Variants in ELOVL6 observed in about 807,000 individuals in gnomAD.
The protein encoded by ELOVL6 is ELOVL fatty acid elongase 6, also known as very long chain fatty acid elongase 6.
A neutral mutation model predicts 31.7 loss-of-function variants in ELOVL6; 8 were observed. The ratio of observed to expected loss-of-function variants is 0.25; its 90% CI spans 0.15 to 0.45. ELOVL6 has a LOEUF of 0.45. Among genes scored for constraint, ELOVL6 ranks in the 20% least tolerant of loss-of-function variants. The pLI is 1.00. For missense variants in ELOVL6, 126 were observed against 326.4 expected (o/e 0.39, Z 4.73); for synonymous variants, 101 against 117.7 (o/e 0.86, Z 0.92).
At chr4:110,091,102 G>C (rs1756415840) in intron 2 of ELOVL6, among the ~76,000 whole-genome samples, 1 of 152,182 alleles carries the variant, frequency 6.6e-6, no homozygotes, top group East Asian at 1.9e-4. Flanking sequence ...GAAGATGTTT[G>C]TTTGCTTTTA....
chr4:110,137,209 A>G (rs1757835734), intron 1 of ELOVL6, among the ~76,000 whole-genome samples: 1 of 152,208 alleles, frequency 6.6e-6, no homozygotes, highest in Non-Finnish European at 1.5e-5. Context: ...TCCTTCCAGC[A>G]TTAGAATTCC....
At chr4:110,125,007 A>C (rs973451658) in intron 1 of ELOVL6, among the ~76,000 whole-genome samples, 2 of 152,254 alleles carry the variant, frequency 1.3e-5, no homozygotes, top group East Asian at 3.9e-4. Context: ...TCTCTAAATG[A>C]ACATATAGAG....
chr4:110,072,308 T>G (rs1755509901), intron 2 of ELOVL6, among the ~76,000 whole-genome samples: 1 of 152,194 alleles, frequency 6.6e-6, no homozygotes, highest in Non-Finnish European at 1.5e-5. Context: ...AAACGCTGTC[T>G]CTACTAAAAA....
chr4:110,150,571 T>G (rs1386172481), intron 1 of ELOVL6, among the ~76,000 whole-genome samples: 3 of 152,144 alleles, frequency 2.0e-5, no homozygotes, highest in African/African-American at 7.2e-5. Context: ...TTGTCAAAAA[T>G]ACTCCATTTT....
chr4:110,171,376 T>C (rs1292326606), intron 1 of ELOVL6, among the ~76,000 whole-genome samples: 2 of 151,618 alleles, frequency 1.3e-5, no homozygotes, highest in Non-Finnish European at 2.9e-5. Context: ...GCCATTGCAC[T>C]CCAGCCTGGG....
intron 1 of ELOVL6, among the ~76,000 whole-genome samples, chr4:110,160,633 T>C (rs1221607603): frequency 1.3e-5 from 2 of 152,240 alleles, no homozygotes; most frequent in Non-Finnish European, 1.5e-5. Context: ...TAGGCTATTG[T>C]AACAATTAAA....
intron 2 of ELOVL6, among the ~76,000 whole-genome samples, chr4:110,084,523 TATACACTTAC>T (rs1338930254): frequency 1.1e-5 from 1 of 91,044 alleles, no homozygotes; most frequent in Admixed American, 1.2e-4. Context: ...GTATACATTA[TATACACTTAC>T]ACACACACAC....
intron 2 of ELOVL6, among the ~76,000 whole-genome samples, chr4:110,083,378 C>T (rs1261337169): frequency 1.3e-5 from 2 of 151,640 alleles, no homozygotes; most frequent in Non-Finnish European, 2.9e-5. Context: ...TGGCCAAGAC[C>T]TAGAGAAGAA....
At chr4:110,132,500 T>TC (rs1757696755) in intron 1 of ELOVL6, among the ~76,000 whole-genome samples, 2 of 151,740 alleles carry the variant, frequency 1.3e-5, no homozygotes, top group East Asian at 3.9e-4. Context: ...TTGTGGGTGG[T>TC]CAGTGTTAGT....
chr4:110,134,778 T>C (rs1409462080), intron 1 of ELOVL6, among the ~76,000 whole-genome samples: 1 of 151,970 alleles, frequency 6.6e-6, no homozygotes, highest in African/African-American at 2.4e-5. Context: ...TGGACAACAT[T>C]GCAAGACCTC....
chr4:110,052,805 C>A (rs1171078782), intron 3 of ELOVL6, among the ~76,000 whole-genome samples: 1 of 152,204 alleles, frequency 6.6e-6, no homozygotes, highest in Non-Finnish European at 1.5e-5. Flanking sequence ...GTGACAGAAA[C>A]AGGCTAATGC....
intron 1 of ELOVL6, among the ~76,000 whole-genome samples, chr4:110,115,856 T>G (rs1417542111): frequency 6.6e-6 from 1 of 152,230 alleles, no homozygotes; most frequent in East Asian, 1.9e-4. Context: ...GTTGCATTTC[T>G]TCTGAAGGCT....
chr4:110,186,822 A>ATATATATAT (rs1491476869), intron 1 of ELOVL6, among the ~76,000 whole-genome samples: 5 of 59,414 alleles, frequency 8.4e-5, no homozygotes, highest in African/African-American at 2.7e-4. Context: ...AAAAAAAAAA[A>ATATATATAT]ATATATATAT....
At chr4:110,084,558 A>ATATATTTT (rs1338095039) in intron 2 of ELOVL6, among the ~76,000 whole-genome samples, 2 of 61,694 alleles carry the variant, frequency 3.2e-5, no homozygotes, top group African/African-American at 2.4e-4. Flanking sequence ...ACACACACAC[A>ATATATTTT]CACAGATATA....
chr4:110,134,043 G>A (rs1312756143), intron 1 of ELOVL6, among the ~76,000 whole-genome samples: 1 of 152,194 alleles, frequency 6.6e-6, no homozygotes, highest in Non-Finnish European at 1.5e-5. Flanking sequence ...CATTAAAAAG[G>A]TGAACTTGTG....
chr4:110,106,277 C>A (rs1756887479), intron 1 of ELOVL6, among the ~76,000 whole-genome samples: 1 of 152,144 alleles, frequency 6.6e-6, no homozygotes, highest in Non-Finnish European at 1.5e-5. Flanking sequence ...TTGCTTGAAA[C>A]CAGAAGGCAG....
chr4:110,096,921 A>T (rs1756595426), intron 2 of ELOVL6, among the ~76,000 whole-genome samples: 1 of 152,172 alleles, frequency 6.6e-6, no homozygotes, highest in South Asian at 2.1e-4. Context: ...TATTAATAAC[A>T]AAACTGAACA....
At chr4:110,168,382 G>A (rs1758842962) in intron 1 of ELOVL6, among the ~76,000 whole-genome samples, 1 of 152,074 alleles carries the variant, frequency 6.6e-6, no homozygotes, top group African/African-American at 2.4e-5. Context: ...AGCTAGGCAT[G>A]GTGTTGCATG....
chr4:110,073,549 G>A (rs1755549470), intron 2 of ELOVL6, among the ~76,000 whole-genome samples: 1 of 152,158 alleles, frequency 6.6e-6, no homozygotes, highest in African/African-American at 2.4e-5. Flanking sequence ...GGTATTTCTT[G>A]CTTCACAGAT....
Sources: allele counts gnomAD v4.1 joint callset (sites outside exome capture counted in the v4.1 genomes callset), GRCh38; gene constraint gnomAD v4.1.1; transcripts MANE v1.5; gene names NCBI Gene and HGNC (gene_info 2026-07-23, HGNC 2026-07-21).